Variants in ZMAT4 observed in about 807,000 individuals in gnomAD.
ZMAT4 encodes the protein zinc finger matrin-type protein 4.
Under a neutral mutation model 28.7 loss-of-function variants are expected in ZMAT4, and 17 were observed. That is an observed-to-expected ratio of 0.59 (90% CI 0.41 to 0.89). The LOEUF (loss-of-function observed/expected upper bound fraction) is 0.89, where lower values mean the gene tolerates loss of function less well. Among genes scored for constraint, ZMAT4 ranks in the 40% least tolerant of loss-of-function variants. ZMAT4 has a pLI of 0.00. For missense variants in ZMAT4, 240 were observed against 283.8 expected (o/e 0.85, Z 1.11); for synonymous variants, 117 against 109.2 (o/e 1.07, Z -0.44).
intron 5 of ZMAT4, among the ~76,000 whole-genome samples, chr8:40,601,493 G>A (rs1490553598): frequency 3.2e-5 from 2 of 63,206 alleles, no homozygotes; most frequent in East Asian, 7.3e-4. Flanking sequence ...AAGAAAGAAA[G>A]AGAGAAAGAA....
intron 5 of ZMAT4, among the ~76,000 whole-genome samples, chr8:40,593,415 C>A: frequency 6.6e-6 from 1 of 152,202 alleles, no homozygotes; most frequent in Non-Finnish European, 1.5e-5. Context: ...CGCTTCTTCC[C>A]TTCCCTCTGC....
At chr8:40,639,429 G>T (rs1487663838) in intron 5 of ZMAT4, among the ~76,000 whole-genome samples, 1 of 152,098 alleles carries the variant, frequency 6.6e-6, no homozygotes. Context: ...CTCCAGCCTA[G>T]TGGAGAGTCT....
At chr8:40,712,847 G>T (rs975040013) in intron 3 of ZMAT4, among the ~76,000 whole-genome samples, 8 of 151,990 alleles carry the variant, frequency 5.3e-5, no homozygotes, top group Non-Finnish European at 1.0e-4. Context: ...TCTCATAATG[G>T]CACTAAAGAA....
At chr8:40,574,888 G>A (rs377747400) in intron 6 of ZMAT4, among the ~76,000 whole-genome samples, 1 of 152,176 alleles carries the variant, frequency 6.6e-6, no homozygotes, top group African/African-American at 2.4e-5. Flanking sequence ...AATTCTTGTG[G>A]CTACATTACT....
intron 4 of ZMAT4, among the ~76,000 whole-genome samples, chr8:40,677,371 A>G (rs1013638155): frequency 2.0e-5 from 3 of 151,936 alleles, no homozygotes; most frequent in African/African-American, 7.3e-5. Flanking sequence ...TAGTGCCTAT[A>G]AAAGCAGGCA....
chr8:40,542,837 T>C (rs1480954703), intron 6 of ZMAT4, among the ~76,000 whole-genome samples: 2 of 152,240 alleles, frequency 1.3e-5, no homozygotes, highest in African/African-American at 4.8e-5. Context: ...ATGGCTGCAT[T>C]GGAAATGTCA....
chr8:40,785,475 C>G (rs1393315324), intron 2 of ZMAT4, among the ~76,000 whole-genome samples: 1 of 152,192 alleles, frequency 6.6e-6, no homozygotes, highest in Non-Finnish European at 1.5e-5. Context: ...ATGATTACCT[C>G]TGGTATATTA....
At chr8:40,853,303 T>C (rs908988688) in intron 1 of ZMAT4, among the ~76,000 whole-genome samples, 18 of 152,180 alleles carry the variant, frequency 1.2e-4, no homozygotes, top group South Asian at 1.0e-3. Flanking sequence ...ACGCCTGTAA[T>C]CCCAGCACTT....
At chr8:40,666,898 T>C (rs967538287) in intron 5 of ZMAT4, among the ~76,000 whole-genome samples, 1 of 152,024 alleles carries the variant, frequency 6.6e-6, no homozygotes, top group African/African-American at 2.4e-5. Context: ...TAATAAAAAT[T>C]AGGTATGTCA....
At chr8:40,707,549 C>T (rs1375230553) in intron 3 of ZMAT4, among the ~76,000 whole-genome samples, 2 of 151,868 alleles carry the variant, frequency 1.3e-5, no homozygotes, top group Non-Finnish European at 2.9e-5. Context: ...CTTTGTAATC[C>T]AGAAAATACT....
At chr8:40,620,581 C>T (rs878890501) in intron 5 of ZMAT4, among the ~76,000 whole-genome samples, 6 of 152,138 alleles carry the variant, frequency 3.9e-5, no homozygotes, top group African/African-American at 1.4e-4. Context: ...GAGATGCTCT[C>T]GATGTAAAAA....
intron 3 of ZMAT4, among the ~76,000 whole-genome samples, chr8:40,750,769 C>A (rs998993035): frequency 6.6e-6 from 1 of 152,178 alleles, no homozygotes; most frequent in Admixed American, 6.5e-5. Context: ...GCCATCAGAC[C>A]ATGTCTGGAG....
At chr8:40,601,684 GAAAGAAAGAAAGAAAGAAAGA>G (rs1481862548) in intron 5 of ZMAT4, among the ~76,000 whole-genome samples, 22 of 30,528 alleles carry the variant, frequency 7.2e-4, no homozygotes, top group African/African-American at 2.2e-3. Flanking sequence ...AAGAAAGAAA[GAAAGAAAGAAAGAAAGAAAGA>G]AAAGAAAGAA....
At chr8:40,794,722 T>G (rs1325585508) in intron 2 of ZMAT4, among the ~76,000 whole-genome samples, 1 of 152,128 alleles carries the variant, frequency 6.6e-6, no homozygotes, top group African/African-American at 2.4e-5. Flanking sequence ...TGGACACAGG[T>G]ATTCCCAGGT....
chr8:40,772,413 A>G (rs2150565382), intron 2 of ZMAT4, among the ~76,000 whole-genome samples: 1 of 152,370 alleles, frequency 6.6e-6, no homozygotes, highest in African/African-American at 2.4e-5. Context: ...GAAGGAGGTG[A>G]AACACATAGA....
At chr8:40,696,607 G>A (rs1300440657) in intron 4 of ZMAT4, among the ~76,000 whole-genome samples, 2 of 152,064 alleles carry the variant, frequency 1.3e-5, no homozygotes, top group South Asian at 2.1e-4. Context: ...GCAATTAGAA[G>A]GTCAAATCAT....
chr8:40,871,461 G>T (rs1387512605), intron 1 of ZMAT4, among the ~76,000 whole-genome samples: 2 of 152,194 alleles, frequency 1.3e-5, no homozygotes, highest in Non-Finnish European at 2.9e-5. Context: ...AGACAGCCAT[G>T]TTTCTCTAAC....
intron 2 of ZMAT4, among the ~76,000 whole-genome samples, chr8:40,782,783 T>A (rs189092714): frequency 2.6e-5 from 4 of 152,142 alleles, no homozygotes; most frequent in Non-Finnish European, 5.9e-5. Flanking sequence ...AAATGGTCAA[T>A]AAGTTGATGA....
At chr8:40,718,586 A>G (rs957479379) in intron 3 of ZMAT4, among the ~76,000 whole-genome samples, 1 of 152,104 alleles carries the variant, frequency 6.6e-6, no homozygotes, top group Non-Finnish European at 1.5e-5. Flanking sequence ...AACATAAATC[A>G]CCCATGACCC....
Sources: gnomAD v4.1 joint callset for allele counts (sites outside exome capture counted in the v4.1 genomes callset) on GRCh38, gnomAD v4.1.1 for gene constraint, MANE v1.5 for transcripts, NCBI Gene and HGNC (gene_info 2026-07-23, HGNC 2026-07-21) for gene names.